Variants in ATOSA observed in about 807,000 individuals in gnomAD.
ATOSA encodes atos homolog A.
the ATOSA span, among the ~76,000 whole-genome samples, chr15:52,650,714 A>G: frequency 6.6e-6 from 1 of 152,196 alleles, no homozygotes; most frequent in Non-Finnish European, 1.5e-5. Context: ...ACAAAGCCCT[A>G]ATATTAACTC....
At chr15:52,613,870 A>G in the ATOSA span, 4 of 1,608,928 alleles carry the variant, frequency 2.5e-6, no homozygotes, top group Admixed American at 6.7e-5. Context: ...GATATAAAAA[A>G]GGGGCAAAGG....
At chr15:52,667,029 C>T in the ATOSA span, among the ~76,000 whole-genome samples, 14 of 151,910 alleles carry the variant, frequency 9.2e-5, no homozygotes, top group Non-Finnish European at 1.9e-4. Context: ...GTCAAATGTG[C>T]TTGTAGTGAC....
chr15:52,595,675 G>A, the ATOSA span, among the ~76,000 whole-genome samples: 1 of 152,120 alleles, frequency 6.6e-6, no homozygotes, highest in Non-Finnish European at 1.5e-5. Context: ...AGTTGAGCAA[G>A]ATCACTGGCG....
the ATOSA span, among the ~76,000 whole-genome samples, chr15:52,698,105 T>C: frequency 6.6e-6 from 1 of 151,134 alleles, no homozygotes; most frequent in African/African-American, 2.4e-5. Flanking sequence ...GCCTCCCGAG[T>C]AGCTGGGACT....
At chr15:52,587,415 G>A in the ATOSA span, 5 of 481,632 alleles carry the variant, frequency 1.0e-5, no homozygotes, top group East Asian at 7.2e-5. Flanking sequence ...TGGTGATGTC[G>A]CTATAAAGAA....
At chr15:52,583,390 G>GTCATTCATTCATTCATTCATTCAT in the ATOSA span, among the ~76,000 whole-genome samples, 10 of 150,870 alleles carry the variant, frequency 6.6e-5, no homozygotes, top group East Asian at 7.9e-4. Context: ...TTCATACCAT[G>GTCATTCATTCATTCATTCATTCAT]TCATTCATTC....
chr15:52,628,991 C>G, the ATOSA span, among the ~76,000 whole-genome samples: 1 of 152,148 alleles, frequency 6.6e-6, no homozygotes, highest in African/African-American at 2.4e-5. Flanking sequence ...TCCCAGAAGA[C>G]TAAAATTAGC....
the ATOSA span, among the ~76,000 whole-genome samples, chr15:52,615,877 A>T: frequency 6.6e-6 from 1 of 152,216 alleles, no homozygotes; most frequent in Non-Finnish European, 1.5e-5. Flanking sequence ...GAAGGTGAGG[A>T]CTATTACTTC....
chr15:52,601,236 CTT>C, the ATOSA span: 2 of 918,030 alleles, frequency 2.2e-6, no homozygotes, highest in Non-Finnish European at 3.3e-6. Flanking sequence ...TGATAAAACA[CTT>C]TTTAAATGAA....
At chr15:52,614,705 G>A in the ATOSA span, among the ~76,000 whole-genome samples, 3 of 151,836 alleles carry the variant, frequency 2.0e-5, no homozygotes, top group Non-Finnish European at 2.9e-5. Context: ...AAAATCAGCT[G>A]GGTGTGGTGG....
chr15:52,633,337 A>G, the ATOSA span, among the ~76,000 whole-genome samples: 1 of 152,152 alleles, frequency 6.6e-6, no homozygotes, highest in African/African-American at 2.4e-5. Context: ...ACTTTAAACC[A>G]CTCAAAATAT....
At chr15:52,602,975 C>A in the ATOSA span, among the ~76,000 whole-genome samples, 19 of 152,298 alleles carry the variant, frequency 1.2e-4, no homozygotes, top group African/African-American at 4.1e-4. Context: ...AGTTATACTT[C>A]TTCCAGAATC....
At chr15:52,599,602 C>T in the ATOSA span, among the ~76,000 whole-genome samples, 1 of 152,084 alleles carries the variant, frequency 6.6e-6, no homozygotes, top group Non-Finnish European at 1.5e-5. Context: ...ACAATTGAAA[C>T]CCATGATTTC....
At chr15:52,671,324 C>T in the ATOSA span, among the ~76,000 whole-genome samples, 6 of 152,088 alleles carry the variant, frequency 3.9e-5, no homozygotes, top group Admixed American at 2.0e-4. Context: ...TTAATTCAAA[C>T]CAATCCCTAA....
chr15:52,662,541 A>T, the ATOSA span, among the ~76,000 whole-genome samples: 7 of 151,988 alleles, frequency 4.6e-5, no homozygotes, highest in Admixed American at 1.3e-4. Context: ...GAGGCCAAGG[A>T]GGGCGGATCA....
At chr15:52,695,235 T>G in the ATOSA span, among the ~76,000 whole-genome samples, 1 of 152,180 alleles carries the variant, frequency 6.6e-6, no homozygotes, top group East Asian at 1.9e-4. Context: ...CTGACTACTT[T>G]TTAAACATTA....
At chr15:52,700,238 A>G in the ATOSA span, among the ~76,000 whole-genome samples, 18 of 152,332 alleles carry the variant, frequency 1.2e-4, no homozygotes, top group South Asian at 3.7e-3. Flanking sequence ...TAAACCCCTC[A>G]AAAGAAATAG....
At chr15:52,671,694 C>A in the ATOSA span, among the ~76,000 whole-genome samples, 1 of 151,908 alleles carries the variant, frequency 6.6e-6, no homozygotes, top group African/African-American at 2.4e-5. Flanking sequence ...ATTCACTGAG[C>A]ACTTTGGATA....
At chr15:52,609,677 G>T in the ATOSA span, 3 of 1,613,502 alleles carry the variant, frequency 1.9e-6, no homozygotes, top group East Asian at 4.5e-5. Flanking sequence ...TCATTTTCTT[G>T]TGAAACCCGG....
Sources: gnomAD v4.1 joint callset for allele counts (sites outside exome capture counted in the v4.1 genomes callset) on GRCh38, gnomAD v4.1.1 for gene constraint, MANE v1.5 for transcripts, NCBI Gene and HGNC (gene_info 2026-07-23, HGNC 2026-07-21) for gene names.